The following LRRTM4 variants were observed in gnomAD, a reference collection of about 807,000 sequenced individuals.
LRRTM4 encodes leucine-rich repeat transmembrane neuronal protein 4.
Under a neutral mutation model 47.6 loss-of-function variants are expected in LRRTM4, and 25 were observed. That is an observed-to-expected ratio of 0.53 (90% CI 0.38 to 0.73). The LOEUF (loss-of-function observed/expected upper bound fraction) is 0.73. Among genes scored for constraint, LRRTM4 ranks in the 30% least tolerant of loss-of-function variants. The pLI, the probability that LRRTM4 is intolerant of heterozygous loss-of-function variation, is 0.00. For missense variants in LRRTM4, 638 were observed against 713.4 expected (o/e 0.89, Z 1.20); for synonymous variants, 311 against 269.5 (o/e 1.15, Z -1.51).
chr2:77,443,047 C>T (rs543671883), intron 3 of LRRTM4, among the ~76,000 whole-genome samples: 148 of 152,142 alleles, frequency 9.7e-4, no homozygotes, highest in Non-Finnish European at 4.0e-4. Context: ...AAAATAGCAA[C>T]GTGCCCAAGA....
intron 3 of LRRTM4, among the ~76,000 whole-genome samples, chr2:76,811,574 G>C (rs1009912423): frequency 6.6e-5 from 10 of 152,130 alleles, no homozygotes; most frequent in African/African-American, 2.2e-4. Context: ...TTTCAGTCAG[G>C]AGGTCTACCT....
intron 3 of LRRTM4, among the ~76,000 whole-genome samples, chr2:76,908,877 A>G (rs907068191): frequency 6.6e-6 from 1 of 152,220 alleles, no homozygotes; most frequent in African/African-American, 2.4e-5. Context: ...TTCCATGCTC[A>G]TGGGTAGGAA....
chr2:76,827,820 C>G (rs1472591221), intron 3 of LRRTM4, among the ~76,000 whole-genome samples: 2 of 151,808 alleles, frequency 1.3e-5, no homozygotes, highest in African/African-American at 4.8e-5. Flanking sequence ...GATTTTAAAG[C>G]TATTTCTTCT....
intron 3 of LRRTM4, among the ~76,000 whole-genome samples, chr2:76,955,500 A>G (rs1293262309): frequency 8.6e-5 from 13 of 151,864 alleles, no homozygotes; most frequent in Admixed American, 8.6e-4. Context: ...GTATGTCACT[A>G]CTAAGAATTC....
chr2:77,002,063 T>G (rs1677450738), intron 3 of LRRTM4, among the ~76,000 whole-genome samples: 1 of 152,208 alleles, frequency 6.6e-6, no homozygotes, highest in Non-Finnish European at 1.5e-5. Flanking sequence ...CTTAACATTT[T>G]ACTCTCTTAG....
At chr2:77,057,469 C>T (rs974724365) in intron 3 of LRRTM4, among the ~76,000 whole-genome samples, 3 of 152,190 alleles carry the variant, frequency 2.0e-5, no homozygotes, top group African/African-American at 7.2e-5. Context: ...GAATAACTAG[C>T]TCACAAATAG....
chr2:76,774,277 T>A (rs1490627585), intron 3 of LRRTM4, among the ~76,000 whole-genome samples: 1 of 152,014 alleles, frequency 6.6e-6, no homozygotes, highest in Non-Finnish European at 1.5e-5. Context: ...TTCCAACTTC[T>A]GACTCCCCGG....
chr2:77,006,344 A>T (rs995571044), intron 3 of LRRTM4, among the ~76,000 whole-genome samples: 20 of 152,152 alleles, frequency 1.3e-4, no homozygotes, highest in African/African-American at 4.8e-4. Flanking sequence ...TCTCAAGCTC[A>T]TTTTTACTAA....
At chr2:76,832,990 A>G (rs1390140723) in intron 3 of LRRTM4, among the ~76,000 whole-genome samples, 1 of 152,106 alleles carries the variant, frequency 6.6e-6, no homozygotes, top group Non-Finnish European at 1.5e-5. Context: ...CACTATTAGC[A>G]AAACTGGAAA....
chr2:77,033,859 T>C (rs907084957), intron 3 of LRRTM4, among the ~76,000 whole-genome samples: 1 of 151,890 alleles, frequency 6.6e-6, no homozygotes, highest in Non-Finnish European at 1.5e-5. Context: ...ATTACTTAAA[T>C]GTTAAATAAA....
At chr2:77,518,055 A>G (rs1342135301) in intron 3 of LRRTM4, 2 of 1,201,098 alleles carry the variant, frequency 1.7e-6, no homozygotes, top group East Asian at 7.1e-5. Flanking sequence ...ACAAATTGTT[A>G]AAAAGCAGAT....
At chr2:76,965,297 CCT>C (rs1675986653) in intron 3 of LRRTM4, among the ~76,000 whole-genome samples, 1 of 151,196 alleles carries the variant, frequency 6.6e-6, no homozygotes. Context: ...TGCAAACAAT[CCT>C]CAACAAAATA....
intron 3 of LRRTM4, among the ~76,000 whole-genome samples, chr2:77,029,083 T>TATATATATATAATATATATATTA (rs1491534209): frequency 6.9e-6 from 1 of 145,562 alleles, no homozygotes; most frequent in African/African-American, 2.5e-5. Context: ...TATATATATA[T>TATATATATATAATATATATATTA]TATATATATA....
At chr2:77,340,185 T>C (rs1211992884) in intron 3 of LRRTM4, among the ~76,000 whole-genome samples, 2 of 151,932 alleles carry the variant, frequency 1.3e-5, no homozygotes, top group African/African-American at 4.8e-5. Context: ...CTAAAATATA[T>C]ATTTTAAATA....
intron 3 of LRRTM4, among the ~76,000 whole-genome samples, chr2:76,879,109 C>G (rs1285684845): frequency 2.0e-5 from 3 of 152,182 alleles, no homozygotes; most frequent in African/African-American, 7.2e-5. Context: ...CCAACAAGCA[C>G]TGATGTATAA....
intron 3 of LRRTM4, among the ~76,000 whole-genome samples, chr2:76,781,259 C>G (rs2104159814): frequency 6.6e-6 from 1 of 152,368 alleles, no homozygotes; most frequent in South Asian, 2.1e-4. Context: ...GGCAGGCCTC[C>G]TTGAGCTGTG....
intron 3 of LRRTM4, among the ~76,000 whole-genome samples, chr2:77,359,731 T>C (rs148935925): frequency 1.3e-3 from 201 of 152,340 alleles, no homozygotes; most frequent in Non-Finnish European, 2.4e-3. Context: ...GCCTTAAGCC[T>C]AATTTTTTCT....
At chr2:77,067,119 A>G (rs986917870) in intron 3 of LRRTM4, among the ~76,000 whole-genome samples, 3 of 152,210 alleles carry the variant, frequency 2.0e-5, no homozygotes, top group Non-Finnish European at 4.4e-5. Flanking sequence ...TACACTGCCT[A>G]TTGCAACATG....
intron 3 of LRRTM4, among the ~76,000 whole-genome samples, chr2:77,515,599 A>AT (rs944452074): frequency 6.6e-5 from 10 of 151,306 alleles, no homozygotes; most frequent in Admixed American, 2.6e-4. Context: ...GGTGTTTTTA[A>AT]TTTTTTTTTA....
Sources: gnomAD v4.1 joint callset for allele counts (sites outside exome capture counted in the v4.1 genomes callset) on GRCh38, gnomAD v4.1.1 for gene constraint, MANE v1.5 for transcripts, NCBI Gene and HGNC (gene_info 2026-07-23, HGNC 2026-07-21) for gene names.